Variants in ELOVL5 observed in about 807,000 individuals in gnomAD.
ELOVL5 encodes the protein very long chain fatty acid elongase 5.
A neutral mutation model predicts 38.6 loss-of-function variants in ELOVL5; 8 were observed. The ratio of observed to expected loss-of-function variants is 0.21; its 90% CI spans 0.12 to 0.37. ELOVL5 has a LOEUF of 0.37. Among genes scored for constraint, ELOVL5 ranks in the 10% least tolerant of loss-of-function variants. The probability of loss-of-function intolerance (pLI) is 1.00; values close to 1 mark genes in which losing one functional copy is unlikely to be tolerated. For synonymous variants in ELOVL5, 127 were observed against 133.7 expected (o/e 0.95, Z 0.34); for missense variants, 280 against 367.8 (o/e 0.76, Z 1.95).
At chr6:53,320,007 T>C (rs1768232045) in intron 1 of ELOVL5, among the ~76,000 whole-genome samples, 1 of 152,172 alleles carries the variant, frequency 6.6e-6, no homozygotes, top group South Asian at 2.1e-4. Flanking sequence ...GAGATGAAGC[T>C]AGATTGATTA....
chr6:53,346,638 T>C (rs1194264746), intron 1 of ELOVL5, among the ~76,000 whole-genome samples: 5 of 152,036 alleles, frequency 3.3e-5, no homozygotes, highest in Non-Finnish European at 1.5e-5. Flanking sequence ...GAGAGAAGAA[T>C]GTAGCCAGGA....
At position 53,268,293 on chromosome 6, in the gene ELOVL5, C is replaced by G. The variant is rs1428017025; in HGVS notation, c.*834G>C. ...TCGCACTGGTGGAAAGCAAAATTGA[C>G]TTTTTGTTTGCTGTATAAAAACACT... On this transcript the variant is annotated 3_prime_UTR_variant, in exon 8 of 8. Transcript: ENST00000304434. 3 of 152,190 alleles carry G rather than the reference C, an allele frequency of 2.0e-5. No individual in the cohort carries two copies. The highest frequency in any genetic ancestry group is 2.0e-4 in the Admixed American group (3 of 15,280). 9.4% of individuals were successfully genotyped at this position (152,190 alleles called of 1,614,324 possible).
chr6:53,302,591 T>C (rs1247283667), intron 1 of ELOVL5, among the ~76,000 whole-genome samples: 1 of 152,146 alleles, frequency 6.6e-6, no homozygotes, highest in Non-Finnish European at 1.5e-5. Context: ...GGAAAAGTAC[T>C]GGGATCTTAA....
chr6:53,323,420 G>A (rs1217352977), intron 1 of ELOVL5, among the ~76,000 whole-genome samples: 2 of 152,102 alleles, frequency 1.3e-5, no homozygotes, highest in East Asian at 1.9e-4. Context: ...CAGGATAAAC[G>A]TGGTCATATT....
At chr6:53,270,555 GC>G in intron 7 of ELOVL5, 37 bp downstream of exon 7, 1 of 1,609,790 alleles carries the variant, frequency 6.2e-7, no homozygotes, top group Non-Finnish European at 8.5e-7. Context: ...GTTGGTAAAG[GC>G]CCCAGATTCC....
intron 1 of ELOVL5, among the ~76,000 whole-genome samples, chr6:53,296,214 T>TA (rs1032195629): frequency 6.6e-6 from 1 of 151,758 alleles, no homozygotes; most frequent in Non-Finnish European, 1.5e-5. Flanking sequence ...TATTAAAAAT[T>TA]AAAAAAAAGG....
chr6:53,347,240 CA>C (rs1769586745), intron 1 of ELOVL5, among the ~76,000 whole-genome samples: 1 of 131,404 alleles, frequency 7.6e-6, no homozygotes. Flanking sequence ...AGAAACAGTA[CA>C]GAAAAAGTTC....
chr6:53,342,105 A>G (rs568647337), intron 1 of ELOVL5, among the ~76,000 whole-genome samples: 7 of 152,240 alleles, frequency 4.6e-5, no homozygotes, highest in Non-Finnish European at 1.0e-4. Context: ...ACAGAGATTA[A>G]TATGCAGAAG....
rs556350931 is a variant in ELOVL5 at position 53,281,649 on chromosome 6, T to C, written c.247-5393A>G. 3.0e-4 allele frequency among the ~76,000 whole-genome samples: 46 copies of C among 152,356 alleles called. 1 individual carries two copies. The East Asian group carries it at 7.3e-3, about 24-fold the overall frequency. ...CAGATGTTTGGTTTAAAATTAACCA[T>C]GAACTACTCAAAATTGAAAGTACCT... On this transcript the variant is annotated intron_variant, in intron 3 of 7. Coordinates refer to ENST00000304434, the MANE Select transcript of ELOVL5 (RefSeq NM_021814.5).
chr6:53,293,324 T>C (rs1766846818), intron 2 of ELOVL5, among the ~76,000 whole-genome samples: 1 of 152,110 alleles, frequency 6.6e-6, no homozygotes, highest in Non-Finnish European at 1.5e-5. Flanking sequence ...TATTCATTTA[T>C]TTATTTATTC....
intron 1 of ELOVL5, among the ~76,000 whole-genome samples, chr6:53,332,802 T>C (rs1269474180): frequency 6.6e-6 from 1 of 152,214 alleles, no homozygotes; most frequent in African/African-American, 2.4e-5. Flanking sequence ...TGCTAATCAG[T>C]TCAAACTGTA....
At chr6:53,293,614 G>A (rs965552874) in intron 2 of ELOVL5, among the ~76,000 whole-genome samples, 1 of 152,110 alleles carries the variant, frequency 6.6e-6, no homozygotes, top group East Asian at 1.9e-4. Flanking sequence ...CACCACACCC[G>A]GCTCTGCCCT....
At chr6:53,284,383 C>T (rs1021860915) in intron 3 of ELOVL5, among the ~76,000 whole-genome samples, 4 of 151,886 alleles carry the variant, frequency 2.6e-5, no homozygotes, top group Admixed American at 6.6e-5. Flanking sequence ...CTAGAATCCT[C>T]TAAGGTCCCT....
rs1238085161 is a variant in ELOVL5, at chr6:53,304,976, G to A, written c.-8-9269C>T. 7.2e-5 allele frequency among the ~76,000 whole-genome samples: 11 copies of A among 151,914 alleles called. No individual in the cohort carries two copies. The South Asian group carries it at 2.1e-3, about 29-fold the overall frequency. On this transcript the variant is annotated intron_variant, in intron 1 of 7. Transcript: ENST00000304434. Reference sequence around the variant, plus strand: ...AGACGGGGTGGTGGCCGGGCAGAGGGGCTCCTCACTTCCCAGTAGGGGCGG... The same window carrying A: ...AGACGGGGTGGTGGCCGGGCAGAGGAGCTCCTCACTTCCCAGTAGGGGCGG...
intron 1 of ELOVL5, among the ~76,000 whole-genome samples, chr6:53,324,604 A>C (rs1036140146): frequency 1.4e-5 from 2 of 140,392 alleles, no homozygotes; most frequent in Non-Finnish European, 3.0e-5. Flanking sequence ...TGAACCCATG[A>C]GGTGAGGTTG....
Position 53,331,109 on chromosome 6 carries a change from T to C in ELOVL5, c.-9+17708A>G, listed in dbSNP as rs187462551. Among the ~76,000 whole-genome samples, 47 of 152,270 alleles carry C rather than the reference T, an allele frequency of 3.1e-4. No individual in the cohort carries two copies. The East Asian group carries it at 7.7e-3, about 25-fold the overall frequency. ...TTTTGGGAGACCGAGGTGGAAGGAC[T>C]GCTGGAGCCCAGGAGTTGAAGATCT... On this transcript the variant is annotated intron_variant, in intron 1 of 7. Transcript: ENST00000304434.
At chr6:53,283,546 G>A (rs543440403) in intron 3 of ELOVL5, among the ~76,000 whole-genome samples, 1 of 152,124 alleles carries the variant, frequency 6.6e-6, no homozygotes, top group Admixed American at 6.5e-5. Flanking sequence ...ATCACTGGGG[G>A]GGACAATACT....
intron 1 of ELOVL5, among the ~76,000 whole-genome samples, chr6:53,326,369 T>C (rs1169594288): frequency 6.6e-6 from 1 of 152,158 alleles, no homozygotes. Context: ...GCTCTCTGGA[T>C]ACAGCCTACA....
In ELOVL5 at chr6:53,269,158, T is replaced by C. The variant is rs1399667157; in HGVS notation, c.869A>G (p.Asn290Ser). ...HTNSFSPLEN[N>S]VKPRKLRKD is the part of the protein sequence containing the mutation. ...CTTCCGCAGCTTCCTTGGCTTCACA[T>C]TGTTTTCCAGGGGTGAAAAGCTGTT... Residue 290 changes from asparagine (N) to serine (S), a missense_variant, in exon 8 of 8, where the codon AAT (asparagine) becomes AGT (serine). Physicochemically the swap from Asn to Ser is conservative, Grantham distance 46. Coordinates refer to ENST00000304434, the MANE Select transcript of ELOVL5 (RefSeq NM_021814.5). 1.2e-6 allele frequency: 2 copies of C among 1,614,014 alleles called. No individual in the cohort carries two copies. The highest frequency in any genetic ancestry group is 1.3e-5 in the African/African-American group (1 of 75,044).
Sources: allele counts gnomAD v4.1 joint callset (sites outside exome capture counted in the v4.1 genomes callset), GRCh38; gene constraint gnomAD v4.1.1; transcripts MANE v1.5; gene names NCBI Gene and HGNC (gene_info 2026-07-23, HGNC 2026-07-21).